The following ARHGAP28 variants were observed in gnomAD, a reference collection of about 807,000 sequenced individuals.
ARHGAP28 encodes Rho GTPase activating protein 28, also known as rho GTPase-activating protein 28.
Under a neutral mutation model 90.7 loss-of-function variants are expected in ARHGAP28, and 56 were observed. That is an observed-to-expected ratio of 0.62 (90% CI 0.50 to 0.77). ARHGAP28 has a LOEUF of 0.77. ARHGAP28 is among the 30% of genes least tolerant of loss of function. The pLI is 0.00. For missense variants in ARHGAP28, 869 were observed against 900.9 expected (o/e 0.96, Z 0.45); for synonymous variants, 308 against 323.3 (o/e 0.95, Z 0.51).
chr18:6,765,137 A>G (rs985258048), intron 1 of ARHGAP28, among the ~76,000 whole-genome samples: 2 of 152,176 alleles, frequency 1.3e-5, no homozygotes, highest in African/African-American at 4.8e-5. Flanking sequence ...ATGTCTTTGT[A>G]CAGATGGTTT....
At chr18:6,818,607 C>T (rs2056607110) in intron 1 of ARHGAP28, among the ~76,000 whole-genome samples, 1 of 152,030 alleles carries the variant, frequency 6.6e-6, no homozygotes, top group African/African-American at 2.4e-5. Flanking sequence ...CAGCGAATAA[C>T]TGGAGGAATG....
rs2057404218 is a variant in ARHGAP28 at position 6,912,380 on chromosome 18, T to C, written c.*226T>C. ...TTTTTTTATAAAAGTAAAGGAAAGA[T>C]GATGTGGTCCTTCCAGAAGAAAGAC... On this transcript the variant is annotated 3_prime_UTR_variant, in exon 18 of 18. Transcript: ENST00000383472. 4 of 315,842 alleles carry C rather than the reference T, an allele frequency of 1.3e-5. No individual in the cohort carries two copies. The highest frequency in any genetic ancestry group is 2.3e-5 in the Non-Finnish European group (4 of 170,524). 19.6% of individuals were successfully genotyped at this position (315,842 alleles called of 1,614,324 possible).
chr18:6,835,817 G>A (rs1178001297), intron 2 of ARHGAP28, among the ~76,000 whole-genome samples: 2 of 152,128 alleles, frequency 1.3e-5, no homozygotes, highest in Admixed American at 6.5e-5. Context: ...ATTGAATACC[G>A]ACTTTCTTCC....
At chr18:6,757,379 C>A (rs193264321) in intron 1 of ARHGAP28, among the ~76,000 whole-genome samples, 1 of 152,220 alleles carries the variant, frequency 6.6e-6, no homozygotes, top group Non-Finnish European at 1.5e-5. Context: ...CAAAATGTCT[C>A]TAGAAAGATG....
At chr18:6,885,627 A>G (rs895488280) in intron 11 of ARHGAP28, among the ~76,000 whole-genome samples, 2 of 152,222 alleles carry the variant, frequency 1.3e-5, no homozygotes, top group East Asian at 3.9e-4. Flanking sequence ...TGAATTAACT[A>G]CAAAACTATT....
At chr18:6,896,817 G>A (rs1488994420) in intron 16 of ARHGAP28, 191 bp downstream of exon 16, 5 of 560,842 alleles carry the variant, frequency 8.9e-6, no homozygotes, top group Non-Finnish European at 1.4e-5. Flanking sequence ...AACAAAAGTT[G>A]TTTTTCAAAG....
rs77818531 is a variant in ARHGAP28 at position 6,799,052 on chromosome 18, C to A, written c.123-25710C>A. 9.4e-3 allele frequency among the ~76,000 whole-genome samples: 1,425 copies of A among 152,254 alleles called. 18 individuals are homozygous for A. The highest frequency in any genetic ancestry group is 0.032 in the African/African-American group (1,320 of 41,548). ...CAAGATGATAAGTGGTATGTGTTGG[C>A]AGAACCTTTTCATCTGGTAGGATCA... is the stretch of plus-strand genomic sequence containing the variant. On this transcript the variant is annotated intron_variant, in intron 1 of 17. Transcript: ENST00000383472.
chr18:6,822,222 T>C (rs1052473453), intron 1 of ARHGAP28, among the ~76,000 whole-genome samples: 1 of 152,232 alleles, frequency 6.6e-6, no homozygotes, highest in Non-Finnish European at 1.5e-5. Context: ...ATGTTTACTA[T>C]TAAGACTGTC....
At chr18:6,798,241 T>C (rs1227422452) in intron 1 of ARHGAP28, among the ~76,000 whole-genome samples, 4 of 152,194 alleles carry the variant, frequency 2.6e-5, no homozygotes, top group Non-Finnish European at 5.9e-5. Context: ...TCACCTGGTC[T>C]GCAGTGCAAT....
At position 6,745,001 on chromosome 18, in the gene ARHGAP28, T is replaced by G. The variant is rs2056010611; in HGVS notation, c.122+15058T>G. Among the ~76,000 whole-genome samples, 4 of 152,082 alleles carry G rather than the reference T, an allele frequency of 2.6e-5. No homozygotes were observed. The South Asian group carries it at 8.3e-4, about 32-fold the overall frequency. On this transcript the variant is annotated intron_variant, in intron 1 of 17. Coordinates refer to ENST00000383472, the MANE Select transcript of ARHGAP28 (RefSeq NM_001366230.1). The stretch of plus-strand genomic sequence containing the variant: ...TAATTTAACTATGTTTATATTTCAT[T>G]TAATTAAAATACTTTATACTCTTTT...
At chr18:6,733,908 T>C (rs1288907585) in intron 1 of ARHGAP28, among the ~76,000 whole-genome samples, 2 of 152,234 alleles carry the variant, frequency 1.3e-5, no homozygotes, top group Non-Finnish European at 2.9e-5. Context: ...AATTACCTTC[T>C]GTGTTTAGCA....
intron 1 of ARHGAP28, among the ~76,000 whole-genome samples, chr18:6,761,885 G>T (rs909170352): frequency 6.6e-6 from 1 of 152,150 alleles, no homozygotes; most frequent in African/African-American, 2.4e-5. Flanking sequence ...TGACAATATA[G>T]AGTTGTTGGC....
intron 1 of ARHGAP28, chr18:6,791,078 A>G (rs983986346): frequency 6.6e-6 from 1 of 152,206 alleles, no homozygotes; most frequent in Admixed American, 6.5e-5. Flanking sequence ...GGATATATAT[A>G]TATAAAGGGG....
chr18:6,797,815 C>T (rs2056452534), intron 1 of ARHGAP28, among the ~76,000 whole-genome samples: 1 of 152,102 alleles, frequency 6.6e-6, no homozygotes, highest in South Asian at 2.1e-4. Context: ...TCACGCGCCA[C>T]CACACCCGGC....
chr18:6,810,078 A>T (rs145185995), intron 1 of ARHGAP28, among the ~76,000 whole-genome samples: 59 of 152,336 alleles, frequency 3.9e-4, no homozygotes, highest in African/African-American at 1.3e-3. Flanking sequence ...CTATCAAGCC[A>T]AAATTTCAGC....
intron 1 of ARHGAP28, among the ~76,000 whole-genome samples, chr18:6,813,733 G>A (rs1401522005): frequency 6.6e-6 from 1 of 151,972 alleles, no homozygotes; most frequent in Admixed American, 6.6e-5. Context: ...CATGGAATTA[G>A]GCACCAGGAG....
At chr18:6,911,514 C>A (rs1029473325) in intron 17 of ARHGAP28, among the ~76,000 whole-genome samples, 2 of 152,148 alleles carry the variant, frequency 1.3e-5, no homozygotes, top group Non-Finnish European at 2.9e-5. Flanking sequence ...TGGCTCACTG[C>A]AACCTCAGCC....
intron 1 of ARHGAP28, among the ~76,000 whole-genome samples, chr18:6,740,931 G>T (rs1009179323): frequency 2.6e-5 from 4 of 152,214 alleles, no homozygotes; most frequent in African/African-American, 9.6e-5. Context: ...GGCCCACAAT[G>T]TGGGCTACTG....
chr18:6,897,021 T>C, intron 16 of ARHGAP28: 1 of 161,678 alleles, frequency 6.2e-6, no homozygotes, highest in Non-Finnish European at 1.3e-5. Flanking sequence ...CAAGTGATTC[T>C]CCTGCCTCAG....
Sources: gnomAD v4.1 joint callset for allele counts (sites outside exome capture counted in the v4.1 genomes callset) on GRCh38, gnomAD v4.1.1 for gene constraint, MANE v1.5 for transcripts, NCBI Gene and HGNC (gene_info 2026-07-23, HGNC 2026-07-21) for gene names.